Variants in SCAMP1 observed in about 807,000 individuals in gnomAD.
SCAMP1 encodes the protein secretory carrier-associated membrane protein 1.
SCAMP1 carries 15 observed loss-of-function variants against 41.8 expected under a neutral mutation model. The observed-to-expected ratio is 0.36, with a 90% CI of 0.24 to 0.55. The LOEUF (loss-of-function observed/expected upper bound fraction) is 0.55. Among genes scored for constraint, SCAMP1 ranks in the 20% least tolerant of loss-of-function variants. SCAMP1 has a pLI of 0.86. For synonymous variants in SCAMP1, 135 were observed against 136.8 expected (o/e 0.99, Z 0.09); for missense variants, 341 against 412.6 (o/e 0.83, Z 1.50).
At position 78,393,199 on chromosome 5, in the gene SCAMP1, T is replaced by C. The variant is rs577074080; in HGVS notation, c.135+4285T>C. Among the ~76,000 whole-genome samples the C allele has an allele frequency of 3.3e-5, 5 of 152,300 alleles. No individual in the cohort carries two copies. In the South Asian group the frequency reaches 1.0e-3, roughly 32 times the overall value. ...ATATACATATATATATATTTAGAGA[T>C]AGGGTCTCACTCTGTTGCCCAGGCT... On this transcript the variant is annotated intron_variant, in intron 2 of 8. Coordinates refer to ENST00000621999, the MANE Select transcript of SCAMP1 (RefSeq NM_004866.6).
intron 2 of SCAMP1, among the ~76,000 whole-genome samples, chr5:78,395,365 G>A (rs1580662004): frequency 6.6e-6 from 1 of 152,188 alleles, no homozygotes; most frequent in African/African-American, 2.4e-5. Context: ...GAGAGACTGT[G>A]GGTGATCATA....
intron 1 of SCAMP1, among the ~76,000 whole-genome samples, chr5:78,382,922 T>A (rs757799756): frequency 7.9e-5 from 12 of 152,176 alleles, no homozygotes; most frequent in Non-Finnish European, 1.6e-4. Context: ...TGTGCAAATA[T>A]CTTTTTCATA....
At chr5:78,417,475 T>G (rs1483792482) in intron 4 of SCAMP1, among the ~76,000 whole-genome samples, 1 of 152,194 alleles carries the variant, frequency 6.6e-6, no homozygotes, top group African/African-American at 2.4e-5. Flanking sequence ...TCCTATTTCT[T>G]TAGCACTGGC....
Position 78,436,957 on chromosome 5 carries a change from T to C in SCAMP1, c.633-12976T>C, listed in dbSNP as rs181377392. ...TCCTTCACATCCCTTGTAAGTTGGA[T>C]TCCTAGGTATTTTATTCTCTTTGTA... On this transcript the variant is annotated intron_variant, in intron 6 of 8. Transcript: ENST00000621999. Among the ~76,000 whole-genome samples the C allele has an allele frequency of 1.9e-3, 289 of 152,310 alleles. 7 individuals carry two copies. In the East Asian group the frequency reaches 0.044, roughly 23 times the overall value.
intron 8 of SCAMP1, among the ~76,000 whole-genome samples, chr5:78,474,350 C>T (rs1469623285): frequency 3.3e-5 from 5 of 152,266 alleles, no homozygotes; most frequent in South Asian, 2.1e-4. Context: ...TAGCCCATTC[C>T]TCTCCCAAGC....
chr5:78,444,225 T>G (rs1473594912), intron 6 of SCAMP1, among the ~76,000 whole-genome samples: 1 of 152,206 alleles, frequency 6.6e-6, no homozygotes, highest in Non-Finnish European at 1.5e-5. Flanking sequence ...GGTTTCTGTG[T>G]TAGTCCATTT....
chr5:78,454,163 A>G (rs1008319519), intron 7 of SCAMP1, among the ~76,000 whole-genome samples: 1 of 151,952 alleles, frequency 6.6e-6, no homozygotes, highest in African/African-American at 2.4e-5. Flanking sequence ...TCCTAATTGA[A>G]TGCCCTTTAT....
At chr5:78,458,636 G>A (rs777431628) in intron 7 of SCAMP1, among the ~76,000 whole-genome samples, 1 of 152,134 alleles carries the variant, frequency 6.6e-6, no homozygotes, top group Non-Finnish European at 1.5e-5. Flanking sequence ...TATAATCCCA[G>A]TTTGGGAGGC....
rs1752209066 is a variant in SCAMP1, at chr5:78,416,415, T to G, written c.235-126T>G. On this transcript the variant is annotated intron_variant, in intron 3 of 8. Coordinates refer to ENST00000621999, the MANE Select transcript of SCAMP1 (RefSeq NM_004866.6). ...TCTGTAACTATGATCTTCAGTAAATTCCTGTACTTTGGAAGTGTGTTTGAA... is the reference window on the plus strand; with the variant it reads ...TCTGTAACTATGATCTTCAGTAAATGCCTGTACTTTGGAAGTGTGTTTGAA... 4 of 641,570 alleles carry G rather than the reference T, an allele frequency of 6.2e-6. No homozygotes were observed. In the South Asian group the frequency reaches 7.1e-5, roughly 11 times the overall value. The allele number at this position is 641,570 out of a possible 1,614,324, so 39.7% of individuals were successfully genotyped here. A position where few individuals can be genotyped will look rare whatever the true frequency, so the allele number is the denominator to read the frequency against.
At chr5:78,369,509 T>TC (rs573369531) in intron 1 of SCAMP1, among the ~76,000 whole-genome samples, 160 of 152,254 alleles carry the variant, frequency 1.1e-3, no homozygotes, top group African/African-American at 3.8e-3. Flanking sequence ...TGATCACAGA[T>TC]CACCATAGCA....
At chr5:78,472,704 A>G (rs1320378365) in intron 8 of SCAMP1, among the ~76,000 whole-genome samples, 1 of 152,110 alleles carries the variant, frequency 6.6e-6, no homozygotes, top group Non-Finnish European at 1.5e-5. Flanking sequence ...ACTATTGAGA[A>G]ATGTGGCTAT....
At chr5:78,395,073 C>T (rs991032640) in intron 2 of SCAMP1, among the ~76,000 whole-genome samples, 2 of 152,236 alleles carry the variant, frequency 1.3e-5, no homozygotes, top group Non-Finnish European at 2.9e-5. Flanking sequence ...ATTAGGTCAT[C>T]TACCTTCCTT....
intron 8 of SCAMP1, among the ~76,000 whole-genome samples, chr5:78,470,910 T>C (rs77330687): frequency 0.011 from 1,619 of 152,300 alleles, 36 homozygotes; most frequent in African/African-American, 0.037. Context: ...ACTAAGCATT[T>C]TACTTTGTAA....
rs1754007939 is a variant in SCAMP1, at chr5:78,476,470, T to C, written c.*802T>C. On this transcript the variant is annotated 3_prime_UTR_variant, in exon 9 of 9. Coordinates refer to ENST00000621999, the MANE Select transcript of SCAMP1 (RefSeq NM_004866.6). ...AGGTAGTTAATGCAGTAGAAAGTAG[T>C]GGTAATAATTCCTTTTTAAAAAAAT... 1 of 152,566 alleles carries C rather than the reference T, an allele frequency of 6.6e-6. No individual in the cohort carries two copies. 9.5% of individuals were successfully genotyped at this position (152,566 alleles called of 1,614,324 possible).
chr5:78,410,138 T>TC (rs1211729455), intron 2 of SCAMP1, among the ~76,000 whole-genome samples: 4 of 151,946 alleles, frequency 2.6e-5, no homozygotes, highest in African/African-American at 9.7e-5. Context: ...TTTTCCAACT[T>TC]TTTAAGTTCT....
At chr5:78,408,722 C>T (rs530726874) in intron 2 of SCAMP1, among the ~76,000 whole-genome samples, 1 of 152,148 alleles carries the variant, frequency 6.6e-6, no homozygotes, top group African/African-American at 2.4e-5. Context: ...CCTCAGCCTC[C>T]TAAGTAACTG....
chr5:78,415,357 T>C (rs1752185561), intron 2 of SCAMP1, among the ~76,000 whole-genome samples, 163 bp from the exon 3 acceptor site: 1 of 152,102 alleles, frequency 6.6e-6, no homozygotes, highest in Non-Finnish European at 1.5e-5. Flanking sequence ...AAAATGGAGA[T>C]GGAGAATTTA....
intron 2 of SCAMP1, among the ~76,000 whole-genome samples, chr5:78,397,001 A>AT (rs1383183077): frequency 9.9e-5 from 15 of 152,166 alleles, no homozygotes; most frequent in African/African-American, 3.4e-4. Flanking sequence ...TCTTCATAGG[A>AT]TTTTTGCAGC....
intron 2 of SCAMP1, among the ~76,000 whole-genome samples, chr5:78,391,378 T>C (rs1419246356): frequency 1.3e-5 from 2 of 149,228 alleles, no homozygotes; most frequent in Non-Finnish European, 3.0e-5. Flanking sequence ...GCCCCTCACC[T>C]CCCGGACGGG....
Sources: gnomAD v4.1 joint callset for allele counts (sites outside exome capture counted in the v4.1 genomes callset) on GRCh38, gnomAD v4.1.1 for gene constraint, MANE v1.5 for transcripts, NCBI Gene and HGNC (gene_info 2026-07-23, HGNC 2026-07-21) for gene names.